Variants in PALLD observed in about 807,000 individuals in gnomAD.
PALLD encodes the protein palladin, cytoskeletal associated protein, also known as palladin.
Under a neutral mutation model 123.5 loss-of-function variants are expected in PALLD, and 61 were observed. The ratio of observed to expected loss-of-function variants is 0.49; its 90% confidence interval spans 0.40 to 0.61. The LOEUF (loss-of-function observed/expected upper bound fraction) is 0.61. PALLD is among the 20% of genes least tolerant of loss of function. The pLI is 0.00. For missense variants in PALLD, 1,273 were observed against 1,377.0 expected, an observed-to-expected ratio of 0.92 and a Z score of 1.20; for synonymous variants, 465 against 496.4, an observed-to-expected ratio of 0.94 and a Z score of 0.84.
chr4:168,910,077 C>T (rs1582100968), intron 15 of PALLD, among the ~76,000 whole-genome samples: 1 of 152,076 alleles, frequency 6.6e-6, no homozygotes, highest in South Asian at 2.1e-4. Flanking sequence ...CAAATGATAA[C>T]TATTCCTTTT....
chr4:168,564,058 A>C (rs1768119084), intron 2 of PALLD, among the ~76,000 whole-genome samples: 1 of 152,200 alleles, frequency 6.6e-6, no homozygotes. Context: ...ACATGGAAGA[A>C]AATCTCTCTG....
chr4:168,833,139 G>A (rs1003497779), intron 10 of PALLD, among the ~76,000 whole-genome samples: 1 of 152,184 alleles, frequency 6.6e-6, no homozygotes, highest in African/African-American at 2.4e-5. Flanking sequence ...GCTCTGTCCC[G>A]AATGGTGAGT....
chr4:168,541,779 A>G (rs2149511125), intron 2 of PALLD, among the ~76,000 whole-genome samples: 1 of 152,288 alleles, frequency 6.6e-6, no homozygotes, highest in Non-Finnish European at 1.5e-5. Context: ...TAATAGATCC[A>G]GTCTTTAAAG....
chr4:168,760,064 T>A (rs537451043), intron 10 of PALLD, among the ~76,000 whole-genome samples: 4 of 149,458 alleles, frequency 2.7e-5, no homozygotes, highest in African/African-American at 5.0e-5. Flanking sequence ...AAAAAAAAAA[T>A]TTATGTGCTG....
At position 168,557,355 on chromosome 4, in the gene PALLD, G is replaced by A. The variant is rs370121012; in HGVS notation, c.908+44943G>A. The stretch of plus-strand genomic sequence containing the variant: ...CACCACTCCCGGCCTCCACTTGTTC[G>A]TTCAATATACGTTTGCCCTATAGAG... On this transcript the variant is annotated intron_variant, in intron 2 of 21. Transcript: ENST00000505667. Among the ~76,000 whole-genome samples, 124 of 152,156 alleles carry A rather than the reference G, an allele frequency of 8.1e-4. 2 individuals are homozygous for A. The highest frequency in any genetic ancestry group is 2.6e-3 in the African/African-American group (108 of 41,534).
At chr4:168,908,426 T>C (rs950651411) in intron 15 of PALLD, among the ~76,000 whole-genome samples, 2 of 152,196 alleles carry the variant, frequency 1.3e-5, no homozygotes, top group Non-Finnish European at 2.9e-5. Flanking sequence ...TATTACCGTA[T>C]ATTAAAACTT....
At chr4:168,881,740 A>C (rs1752640389) in intron 10 of PALLD, among the ~76,000 whole-genome samples, 1 of 152,164 alleles carries the variant, frequency 6.6e-6, no homozygotes, top group Admixed American at 6.5e-5. Context: ...CTTTTATAAA[A>C]TTAATGTATT....
chr4:168,912,045 AC>A lies in PALLD; in HGVS notation c.2623-1875del, dbSNP rs35233247. 4.0e-5 allele frequency among the ~76,000 whole-genome samples: 6 copies of A among 150,202 alleles called. No homozygotes were observed. In the East Asian group the frequency reaches 9.7e-4, roughly 24 times the overall value. On this transcript the variant is annotated intron_variant, in intron 15 of 21. Transcript: ENST00000505667. ...GTCCAGGTTTTAGGAGACCTAGAGAACCCCCCCAGTTAGAGTCCTGCCCTTC... is the reference window on the plus strand; with the variant it reads ...GTCCAGGTTTTAGGAGACCTAGAGAACCCCCCAGTTAGAGTCCTGCCCTTC...
intron 2 of PALLD, among the ~76,000 whole-genome samples, chr4:168,548,117 A>T (rs1766354113): frequency 6.6e-6 from 1 of 152,182 alleles, no homozygotes; most frequent in South Asian, 2.1e-4. Context: ...CTTGAACACC[A>T]ACTACACGTC....
chr4:168,562,513 G>C (rs1415719753), intron 2 of PALLD, among the ~76,000 whole-genome samples: 2 of 152,196 alleles, frequency 1.3e-5, no homozygotes, highest in South Asian at 2.1e-4. Flanking sequence ...ATTTTAAATG[G>C]TGTTAAGTTC....
chr4:168,684,847 A>G (rs1291315051), intron 5 of PALLD, among the ~76,000 whole-genome samples: 1 of 152,216 alleles, frequency 6.6e-6, no homozygotes, highest in Non-Finnish European at 1.5e-5. Flanking sequence ...GCTAACAACC[A>G]CTTACATAAG....
At chr4:168,578,059 A>G (rs1184052320) in intron 2 of PALLD, among the ~76,000 whole-genome samples, 2 of 152,102 alleles carry the variant, frequency 1.3e-5, no homozygotes, top group Non-Finnish European at 2.9e-5. Flanking sequence ...TGCAGGATAT[A>G]CTGAGGCAAA....
At chr4:168,536,931 T>A (rs1345935039) in intron 2 of PALLD, among the ~76,000 whole-genome samples, 1 of 151,624 alleles carries the variant, frequency 6.6e-6, no homozygotes, top group East Asian at 1.9e-4. Context: ...GGGTTCAAGC[T>A]ATTCTCCTGC....
chr4:168,776,982 C>A (rs568046266), intron 10 of PALLD, among the ~76,000 whole-genome samples: 1 of 152,244 alleles, frequency 6.6e-6, no homozygotes, highest in East Asian at 1.9e-4. Context: ...GCTACGGTAG[C>A]TACAGTTTAC....
intron 2 of PALLD, among the ~76,000 whole-genome samples, chr4:168,527,152 T>C (rs895349865): frequency 1.3e-5 from 2 of 152,058 alleles, no homozygotes; most frequent in African/African-American, 2.4e-5. Context: ...ACACGAGTCA[T>C]TGTTGAAGAG....
At chr4:168,763,205 A>AT (rs1220380667) in intron 10 of PALLD, among the ~76,000 whole-genome samples, 2 of 152,228 alleles carry the variant, frequency 1.3e-5, no homozygotes, top group African/African-American at 4.8e-5. Context: ...AATTTGATAA[A>AT]TTTTTAATCT....
At chr4:168,700,329 A>T (rs1007904483) in intron 8 of PALLD, 1 of 153,170 alleles carries the variant, frequency 6.5e-6, no homozygotes, top group Non-Finnish European at 1.5e-5. Flanking sequence ...CCTAGTGTTT[A>T]TTTTTTATTT....
chr4:168,762,298 C>G (rs1173177291), intron 10 of PALLD, among the ~76,000 whole-genome samples: 1 of 151,972 alleles, frequency 6.6e-6, no homozygotes, highest in Admixed American at 6.6e-5. Flanking sequence ...CATAATGGAA[C>G]CCCATCTCTA....
At chr4:168,621,862 G>A (rs1426737832) in intron 2 of PALLD, among the ~76,000 whole-genome samples, 1 of 152,136 alleles carries the variant, frequency 6.6e-6, no homozygotes. Context: ...GGGATATGAT[G>A]CTGTGTAAAT....
Sources: gnomAD v4.1 joint callset for allele counts (sites outside exome capture counted in the v4.1 genomes callset) on GRCh38, gnomAD v4.1.1 for gene constraint, MANE v1.5 for transcripts, NCBI Gene and HGNC (gene_info 2026-07-23, HGNC 2026-07-21) for gene names.